The following NALF1 variants were observed in gnomAD, a reference collection of about 807,000 sequenced individuals.
NALF1 encodes family with sequence similarity 155 member A.
In NALF1, 3 loss-of-function variants were observed where a neutral mutation model predicts 48.4. The ratio of observed to expected loss-of-function variants is 0.06; its 90% CI spans 0.03 to 0.16. NALF1 has a LOEUF of 0.16. NALF1 is among the 10% of genes least tolerant of loss of function. The probability of loss-of-function intolerance (pLI) is 1.00; values close to 1 mark genes in which losing one functional copy is unlikely to be tolerated. For missense variants in NALF1, 526 were observed against 571.5 expected, an observed-to-expected ratio of 0.92 and a Z score of 0.81; for synonymous variants, 262 against 245.7, an observed-to-expected ratio of 1.07 and a Z score of -0.62.
intron 1 of NALF1, among the ~76,000 whole-genome samples, chr13:107,722,851 G>C (rs7323170): frequency 1.3e-5 from 2 of 152,156 alleles, no homozygotes; most frequent in South Asian, 4.1e-4. Context: ...GGGTTTCAGC[G>C]CGCACCTTCC....
chr13:107,197,241 A>C (rs1879410785), intron 2 of NALF1, among the ~76,000 whole-genome samples: 2 of 152,212 alleles, frequency 1.3e-5, no homozygotes, highest in Non-Finnish European at 2.9e-5. Flanking sequence ...TTCTTTATAC[A>C]TTACCTAGTC....
Position 107,258,894 on chromosome 13 carries a change from A to G in NALF1, c.916-48139T>C, listed in dbSNP as rs528531287. On this transcript the variant is annotated intron_variant, in intron 1 of 2. Coordinates refer to ENST00000375915, the MANE Select transcript of NALF1 (RefSeq NM_001080396.3). Reference sequence around the variant, plus strand: ...AGAAAGAACTCTAAGCTGCCTTTCAATACTTGAAGTATGCTCATGATGAAA... The same window carrying G: ...AGAAAGAACTCTAAGCTGCCTTTCAGTACTTGAAGTATGCTCATGATGAAA... 3.6e-4 allele frequency among the ~76,000 whole-genome samples: 55 copies of G among 152,300 alleles called. No homozygotes were observed. In the South Asian group the frequency reaches 0.011, roughly 30 times the overall value.
chr13:107,726,310 T>A (rs1043193256), intron 1 of NALF1, among the ~76,000 whole-genome samples: 1 of 152,220 alleles, frequency 6.6e-6, no homozygotes, highest in Non-Finnish European at 1.5e-5. Context: ...CAAGATGAAG[T>A]GGGACTTACA....
chr13:107,434,931 T>C (rs1184621055), intron 1 of NALF1, among the ~76,000 whole-genome samples: 3 of 152,186 alleles, frequency 2.0e-5, no homozygotes, highest in African/African-American at 7.2e-5. Context: ...CTGGCTATAT[T>C]CTTTTTTCTG....
chr13:107,354,227 G>T (rs562147007), intron 1 of NALF1, among the ~76,000 whole-genome samples: 1 of 152,196 alleles, frequency 6.6e-6, no homozygotes, highest in African/African-American at 2.4e-5. Flanking sequence ...AAGGCATTAT[G>T]AGCCAGCTGG....
At chr13:107,352,656 T>G (rs1281955178) in intron 1 of NALF1, among the ~76,000 whole-genome samples, 2 of 152,200 alleles carry the variant, frequency 1.3e-5, no homozygotes, top group Non-Finnish European at 2.9e-5. Flanking sequence ...CATGACCTAA[T>G]CATCTCTCAA....
At chr13:107,629,256 T>C (rs1475671043) in intron 1 of NALF1, among the ~76,000 whole-genome samples, 6 of 152,202 alleles carry the variant, frequency 3.9e-5, no homozygotes, top group Admixed American at 2.6e-4. Context: ...GTAATACTAA[T>C]ATAGCAGTAA....
intron 1 of NALF1, among the ~76,000 whole-genome samples, chr13:107,543,807 CCACATATATA>C (rs1238361073): frequency 2.6e-5 from 4 of 151,034 alleles, no homozygotes; most frequent in Non-Finnish European, 5.9e-5. Flanking sequence ...ACATATATAC[CCACATATATA>C]CACATATGTA....
At chr13:107,270,142 G>A (rs1881131027) in intron 1 of NALF1, among the ~76,000 whole-genome samples, 1 of 151,858 alleles carries the variant, frequency 6.6e-6, no homozygotes, top group African/African-American at 2.4e-5. Context: ...CCACCTATAT[G>A]AGGCCATCAA....
intron 1 of NALF1, among the ~76,000 whole-genome samples, chr13:107,316,727 C>A (rs907680871): frequency 2.0e-5 from 3 of 151,864 alleles, no homozygotes; most frequent in Non-Finnish European, 4.4e-5. Flanking sequence ...TATCCTTTGC[C>A]CACTTGTTGA....
chr13:107,253,471 C>T (rs935654416), intron 1 of NALF1, among the ~76,000 whole-genome samples: 2 of 152,134 alleles, frequency 1.3e-5, no homozygotes, highest in African/African-American at 2.4e-5. Flanking sequence ...ACCTTGCTCC[C>T]TCTAGTGAGT....
intron 1 of NALF1, among the ~76,000 whole-genome samples, chr13:107,792,961 C>T (rs1878295813): frequency 6.6e-6 from 1 of 152,172 alleles, no homozygotes. Context: ...GCGTGAACCA[C>T]TGAGCCTGGC....
At chr13:107,322,883 G>C (rs1394107240) in intron 1 of NALF1, among the ~76,000 whole-genome samples, 1 of 152,086 alleles carries the variant, frequency 6.6e-6, no homozygotes, top group African/African-American at 2.4e-5. Context: ...TGCTCCACCA[G>C]ATTCCATAGA....
chr13:107,860,322 A>G (rs1054989321), intron 1 of NALF1, among the ~76,000 whole-genome samples: 1 of 152,176 alleles, frequency 6.6e-6, no homozygotes, highest in Non-Finnish European at 1.5e-5. Context: ...TATCTGAGTT[A>G]TACTTTCATC....
chr13:107,620,300 C>T (rs1302401135), intron 1 of NALF1, among the ~76,000 whole-genome samples: 2 of 152,278 alleles, frequency 1.3e-5, no homozygotes, highest in East Asian at 1.9e-4. Context: ...AAGCCATCAA[C>T]ATCTGAGCCA....
chr13:107,270,808 T>C (rs1214219999), intron 1 of NALF1, among the ~76,000 whole-genome samples: 1 of 134,762 alleles, frequency 7.4e-6, no homozygotes, highest in East Asian at 2.6e-4. Context: ...ATGCTATCCC[T>C]CCCCCCTCCC....
intron 1 of NALF1, among the ~76,000 whole-genome samples, chr13:107,251,622 G>T (rs1313862875): frequency 2.0e-5 from 3 of 152,188 alleles, no homozygotes; most frequent in Non-Finnish European, 4.4e-5. Flanking sequence ...TTAGCTGAAG[G>T]TAGGGGAGTG....
chr13:107,622,821 A>G (rs906064161), intron 1 of NALF1, among the ~76,000 whole-genome samples: 1 of 152,222 alleles, frequency 6.6e-6, no homozygotes, highest in African/African-American at 2.4e-5. Flanking sequence ...AGGAACTATT[A>G]TGGTAACTAG....
intron 1 of NALF1, among the ~76,000 whole-genome samples, chr13:107,727,833 G>GA (rs1196129324): frequency 6.6e-6 from 1 of 151,638 alleles, no homozygotes; most frequent in Non-Finnish European, 1.5e-5. Flanking sequence ...AAATTTACAA[G>GA]AAAAAAACAA....
Sources: gnomAD v4.1 joint callset for allele counts (sites outside exome capture counted in the v4.1 genomes callset) on GRCh38, gnomAD v4.1.1 for gene constraint, MANE v1.5 for transcripts, NCBI Gene and HGNC (gene_info 2026-07-23, HGNC 2026-07-21) for gene names.